CCR6: variants seen among roughly 807,000 people sequenced by gnomAD.
The protein encoded by CCR6 is C-C chemokine receptor type 6.
In CCR6, 2 loss-of-function variants were observed where a neutral mutation model predicts 3.0. The ratio of observed to expected loss-of-function variants is 0.66; its 90% CI spans 0.27 to 2.07. The LOEUF (loss-of-function observed/expected upper bound fraction) is 2.07, where lower values mean the gene tolerates loss of function less well. Ranked by LOEUF, CCR6 falls within the 30% of genes most tolerant of loss-of-function variation. The pLI, the probability that CCR6 is intolerant of heterozygous loss-of-function variation, is 0.14. For missense variants in CCR6, 322 were observed against 462.8 expected (o/e 0.70, Z 2.79); for synonymous variants, 193 against 184.3 (o/e 1.05, Z -0.38).
chr6:167,118,208 A>G (rs1446082089), upstream of CCR6, among the ~76,000 whole-genome samples: 2 of 152,152 alleles, frequency 1.3e-5, no homozygotes, highest in Non-Finnish European at 2.9e-5. Context: ...CACGACAACA[A>G]TCATAATTAC....
At chr6:167,128,058 C>G (rs1319553397) in intron 1 of CCR6, among the ~76,000 whole-genome samples, 2 of 152,226 alleles carry the variant, frequency 1.3e-5, no homozygotes, top group Non-Finnish European at 1.5e-5. Flanking sequence ...AATCTCTCAC[C>G]TTTGAATCTT....
At chr6:167,115,532 C>G (rs891586887) in intron 1 of CCR6, 1 of 152,182 alleles carries the variant, frequency 6.6e-6, no homozygotes, top group South Asian at 2.1e-4. Flanking sequence ...GTCTTTTCCC[C>G]ATTTTCTGTA....
chr6:167,137,762 A>G lies in CCR6; in HGVS notation c.*407A>G, dbSNP rs554563917. The G allele has an allele frequency of 1.9e-4, 31 of 165,940 alleles. No homozygotes were observed. The South Asian group carries it at 4.0e-3, about 21-fold the overall frequency. 10.3% of individuals were successfully genotyped at this position (165,940 alleles called of 1,614,324 possible). A position where few individuals can be genotyped will look rare whatever the true frequency, so the allele number is the denominator to read the frequency against. ...TTGAAAAACTAAAACAGAAAAAAAAATGGAAGCCAACACATCACTCATTTT... is the reference window on the plus strand; with the variant it reads ...TTGAAAAACTAAAACAGAAAAAAAAGTGGAAGCCAACACATCACTCATTTT... On this transcript the variant is annotated 3_prime_UTR_variant, in exon 3 of 3. Transcript: ENST00000341935. This position sits in a 1 kb window ranked among gnomAD's most constrained non-coding sequence, Gnocchi z 4.6.
intron 1 of CCR6, among the ~76,000 whole-genome samples, chr6:167,135,448 C>T (rs924498248): frequency 1.3e-5 from 2 of 152,236 alleles, no homozygotes; most frequent in Non-Finnish European, 2.9e-5. Context: ...GCTGGAGCAG[C>T]TTGTTCAGTG....
chr6:167,132,506 G>C (rs574873686), intron 1 of CCR6, among the ~76,000 whole-genome samples: 11 of 152,124 alleles, frequency 7.2e-5, no homozygotes, highest in Admixed American at 6.6e-4. Flanking sequence ...AGTCCTTCCA[G>C]TGGGATCTCT....
Position 167,137,180 on chromosome 6 carries a change from C to A in CCR6, c.950C>A (p.Ala317Asp). 6.2e-7 allele frequency: 1 copy of A among 1,614,180 alleles called. No individual in the cohort carries two copies. The highest frequency in any genetic ancestry group is 8.5e-7 in the Non-Finnish European group (1 of 1,180,032). The part of the protein sequence containing the change: ...LHCCLNPVLY[A>D]FIGQKFRNYF... ...TGCTGCCTGAACCCTGTGCTCTACG[C>A]TTTTATTGGGCAGAAGTTCAGAAAC... Residue 317 changes from alanine (A) to aspartate (D), a missense_variant, in exon 3 of 3, where the codon GCT becomes GAT. Transcript: ENST00000341935. This position sits in a 1 kb window ranked among gnomAD's most constrained non-coding sequence, Gnocchi z 4.6.
intron 1 of CCR6, among the ~76,000 whole-genome samples, chr6:167,124,516 C>T (rs1478797678): frequency 6.6e-6 from 1 of 152,108 alleles, no homozygotes; most frequent in Non-Finnish European, 1.5e-5. Flanking sequence ...ACTCTGATAT[C>T]AATAAGATGT....
chr6:167,117,565 C>T (rs921800851), intron 1 of CCR6, among the ~76,000 whole-genome samples: 8 of 151,464 alleles, frequency 5.3e-5, no homozygotes, highest in East Asian at 1.9e-4. Flanking sequence ...TACAGGCGCG[C>T]GCCACCACGC....
upstream of CCR6, among the ~76,000 whole-genome samples, chr6:167,118,614 T>C (rs1343599874): frequency 6.6e-6 from 1 of 152,214 alleles, no homozygotes; most frequent in Admixed American, 6.5e-5. Context: ...CTTACTGATA[T>C]TTTCCAAAAC....
At chr6:167,117,410 T>A (rs1262235610) in intron 1 of CCR6, among the ~76,000 whole-genome samples, 1 of 132,724 alleles carries the variant, frequency 7.5e-6, no homozygotes, top group Non-Finnish European at 1.6e-5. Flanking sequence ...TTTCTTTTTT[T>A]TTTTCTTTTT....
At chr6:167,125,879 G>A (rs1201572083) in intron 1 of CCR6, among the ~76,000 whole-genome samples, 1 of 152,126 alleles carries the variant, frequency 6.6e-6, no homozygotes, top group East Asian at 1.9e-4. Context: ...TAAATGCTAT[G>A]TAAGAAATAT....
intron 1 of CCR6, among the ~76,000 whole-genome samples, chr6:167,113,212 G>T (rs1781441377): frequency 6.6e-6 from 1 of 152,048 alleles, no homozygotes; most frequent in Non-Finnish European, 1.5e-5. Context: ...CCCAAACTTG[G>T]TGTGTTTTTC....
chr6:167,114,489 A>G lies in CCR6; in HGVS notation c.-98+2475A>G, dbSNP rs764977189. On this transcript the variant is annotated intron_variant, in intron 1 of 2. Transcript: ENST00000400926. ...CAATTCATAATCACAGTGCACTTGG[A>G]AACCCTTCTTCCAGGCATAGGAAAC... Among the ~76,000 whole-genome samples, 33 of 152,292 alleles carry G rather than the reference A, an allele frequency of 2.2e-4. 2 individuals carry two copies. Among genetic ancestry groups the G allele is most frequent in the Middle Eastern group, 6.8e-3 (2 of 294 alleles).
At position 167,133,926 on chromosome 6, in the gene CCR6, A is replaced by ATG. The variant is rs1255790825; in HGVS notation, c.-97-2106_-97-2105dup. ...TTATTGATACTATTATATATGATATATGTGTGTATATATATATATATATAT... is the reference window on the plus strand; with the variant it reads ...TTATTGATACTATTATATATGATATATGTGTGTGTATATATATATATATATAT... On this transcript the variant is annotated intron_variant, in intron 1 of 2. Coordinates refer to ENST00000341935, the MANE Select transcript of CCR6 (RefSeq NM_031409.4). Among the ~76,000 whole-genome samples, 595 of 66,640 alleles carry ATG rather than the reference A, an allele frequency of 8.9e-3. 31 individuals carry two copies. The highest frequency in any genetic ancestry group is 0.019 in the Middle Eastern group (2 of 106). The allele number at this position is 66,640 out of a possible 152,430, so 43.7% of individuals were successfully genotyped here.
At chr6:167,125,242 T>C (rs997758944) in intron 1 of CCR6, among the ~76,000 whole-genome samples, 8 of 152,270 alleles carry the variant, frequency 5.3e-5, no homozygotes, top group African/African-American at 1.9e-4. Flanking sequence ...AGCTAGTTAT[T>C]AAATGTTTTT....
chr6:167,118,584 G>A (rs1304399767), upstream of CCR6, among the ~76,000 whole-genome samples: 1 of 152,092 alleles, frequency 6.6e-6, no homozygotes, highest in Non-Finnish European at 1.5e-5. Flanking sequence ...GCATCATCTT[G>A]ATTCCCCTTT....
At chr6:167,123,940 C>T (rs1489976386) in intron 1 of CCR6, among the ~76,000 whole-genome samples, 1 of 152,068 alleles carries the variant, frequency 6.6e-6, no homozygotes, top group East Asian at 1.9e-4. Context: ...GGTAAAATCC[C>T]GTCTCTACTA....
chr6:167,119,823 T>G (rs2114914243), upstream of CCR6, among the ~76,000 whole-genome samples: 1 of 152,348 alleles, frequency 6.6e-6, no homozygotes, highest in South Asian at 2.1e-4. Context: ...CAAGCACTGC[T>G]GGGCTCGGTA....
At chr6:167,124,030 G>A (rs1459723356) in intron 1 of CCR6, among the ~76,000 whole-genome samples, 1 of 152,080 alleles carries the variant, frequency 6.6e-6, no homozygotes, top group African/African-American at 2.4e-5. Context: ...GAGAATCACT[G>A]GAACTTGGGA....
Sources: allele counts gnomAD v4.1 joint callset (sites outside exome capture counted in the v4.1 genomes callset), GRCh38; gene constraint gnomAD v4.1.1; non-coding constraint Gnocchi (gnomAD v3.1); transcripts MANE v1.5; gene names NCBI Gene and HGNC (gene_info 2026-07-23, HGNC 2026-07-21).